SHROOM4: variants seen among roughly 807,000 people sequenced by gnomAD.
SHROOM4 encodes the protein shroom family member 4, also known as protein Shroom4.
In SHROOM4, 17 loss-of-function variants were observed where a neutral mutation model predicts 80.3. The ratio of observed to expected loss-of-function variants is 0.21; its 90% CI spans 0.14 to 0.32. The LOEUF (loss-of-function observed/expected upper bound fraction) is 0.32. Ranked by LOEUF, SHROOM4 falls within the 10% of genes least tolerant of loss-of-function variation. The probability of loss-of-function intolerance (pLI) is 1.00; values close to 1 mark genes in which losing one functional copy is unlikely to be tolerated. For synonymous variants in SHROOM4, 400 were observed against 437.5 expected (o/e 0.91, Z 1.07); for missense variants, 993 against 1,140.3 (o/e 0.87, Z 1.86).
chrX:50,786,889 TA>T (rs1206511193), intron 1 of SHROOM4, among the ~76,000 whole-genome samples: 1 of 111,066 alleles, frequency 9.0e-6, no homozygotes, highest in East Asian at 2.8e-4. Context: ...ATGAACAAAG[TA>T]AAAATTTCAA....
rs1931241277 is a variant in SHROOM4 at position 50,634,583 on chromosome X, T to C, written c.1490A>G (p.His497Arg). 7 of 1,210,007 alleles carry C rather than the reference T, an allele frequency of 5.8e-6. No individual in the cohort carries two copies. Among genetic ancestry groups the C allele is most frequent in the Non-Finnish European group, 6.7e-6 (6 of 895,298 alleles). ...TGAGGGGTGTCCATCAGCCTCTCCATGTGGGGGACTGCTTTGGCTCTGGTG... is the reference window on the plus strand; with the variant it reads ...TGAGGGGTGTCCATCAGCCTCTCCACGTGGGGGACTGCTTTGGCTCTGGTG... ...LGHQSQSSPP[H>R]GEADGHPSEK... Residue 497 changes from histidine to arginine, a missense_variant, in exon 4 of 9, where the codon CAT becomes CGT. Transcript: ENST00000376020.
chrX:50,799,965 C>G (rs1557272433), intron 1 of SHROOM4, among the ~76,000 whole-genome samples: 1 of 112,266 alleles, frequency 8.9e-6, no homozygotes, highest in African/African-American at 3.2e-5. Flanking sequence ...GCATGAAATT[C>G]AACTGTTATA....
rs138074903 is a variant in SHROOM4, at chrX:50,767,510, C to T, written c.117+46392G>A. On this transcript the variant is annotated intron_variant, in intron 1 of 8. Transcript: ENST00000376020. ...CTGCTGTAACTGAGGAAATATCAGG[C>T]TCCCATTAAATTAAGGACCAGTGGG... Among the ~76,000 whole-genome samples, 32 of 111,243 alleles carry T rather than the reference C, an allele frequency of 2.9e-4. 1 individual carries two copies. In the Admixed American group the frequency reaches 3.1e-3, roughly 11 times the overall value.
chrX:50,790,258 G>GA (rs1446279438), intron 1 of SHROOM4, among the ~76,000 whole-genome samples: 12 of 110,615 alleles, frequency 1.1e-4, no homozygotes, highest in African/African-American at 3.9e-4. Context: ...CAAAGAAATA[G>GA]AAAAAAATCT....
chrX:50,718,842 CT>C (rs1410294997), intron 1 of SHROOM4, among the ~76,000 whole-genome samples: 1 of 111,578 alleles, frequency 9.0e-6, no homozygotes, highest in African/African-American at 3.3e-5. Flanking sequence ...ATTCTCCCGT[CT>C]TTTTATTCTC....
chrX:50,740,176 C>G (rs1435218579), intron 1 of SHROOM4, among the ~76,000 whole-genome samples: 2 of 83,258 alleles, frequency 2.4e-5, no homozygotes, highest in African/African-American at 9.1e-5. Flanking sequence ...ACACTGGGGA[C>G]TGTTGTGGGG....
At chrX:50,739,361 C>A (rs1557266998) in intron 1 of SHROOM4, among the ~76,000 whole-genome samples, 3 of 111,438 alleles carry the variant, frequency 2.7e-5, no homozygotes, top group Non-Finnish European at 5.7e-5. Context: ...AGCTTCTGCA[C>A]AGCAAAAGAA....
intron 2 of SHROOM4, among the ~76,000 whole-genome samples, chrX:50,674,731 C>T (rs1413009887): frequency 4.5e-5 from 5 of 111,335 alleles, no homozygotes; most frequent in African/African-American, 1.6e-4. Flanking sequence ...AAGGAAAAAC[C>T]GATAAATTGG....
chrX:50,610,696 C>T (rs1269690505), intron 5 of SHROOM4, among the ~76,000 whole-genome samples: 1 of 110,519 alleles, frequency 9.0e-6, no homozygotes, highest in Non-Finnish European at 1.9e-5. Context: ...GAATTAAGGT[C>T]AAAATTAAAG....
intron 1 of SHROOM4, among the ~76,000 whole-genome samples, chrX:50,756,164 A>G (rs1935034511): frequency 9.0e-6 from 1 of 111,698 alleles, no homozygotes; most frequent in Non-Finnish European, 1.9e-5. Context: ...CCTAACACCC[A>G]GCCCCAAGCA....
intron 5 of SHROOM4, among the ~76,000 whole-genome samples, chrX:50,608,621 G>A (rs1418675940): frequency 1.8e-5 from 2 of 111,893 alleles, no homozygotes; most frequent in African/African-American, 6.5e-5. Context: ...TGCATGTGCT[G>A]TTTTCTGGGG....
Position 50,591,657 on chromosome X carries a change from T to C in SHROOM4, c.*5038A>G, listed in dbSNP as rs1405313865. 1 of 303,835 alleles carries C rather than the reference T, an allele frequency of 3.3e-6. No individual in the cohort carries two copies. Among genetic ancestry groups the C allele is most frequent in the Non-Finnish European group, 6.1e-6 (1 of 163,988 alleles). The allele number at this position is 303,835 out of a possible 1,213,427, so 25.0% of individuals were successfully genotyped here. Reference sequence around the variant, plus strand: ...TACTTTTTTCTTTTTGATGCTATTGTAAATGGAACTGTTTTCTTTCTTTCT... The same window carrying C: ...TACTTTTTTCTTTTTGATGCTATTGCAAATGGAACTGTTTTCTTTCTTTCT... On this transcript the variant is annotated 3_prime_UTR_variant, in exon 9 of 9. Transcript: ENST00000376020.
rs1557245659 is a variant in SHROOM4 at position 50,592,029 on chromosome X, T to C, written c.*4666A>G. The C allele has an allele frequency of 6.1e-6, 2 of 329,578 alleles. No homozygotes were observed. Among genetic ancestry groups the C allele is most frequent in the East Asian group, 1.9e-4 (2 of 10,326 alleles). 27.2% of individuals were successfully genotyped at this position (329,578 alleles called of 1,213,427 possible). ...ACCATGCCCGGCCGGAACTGTTTTC[T>C]TAATAACATTTTCGGATTGTTCATT... On this transcript the variant is annotated 3_prime_UTR_variant, in exon 9 of 9. Transcript: ENST00000376020.
chrX:50,754,675 C>T (rs190630318), intron 1 of SHROOM4, among the ~76,000 whole-genome samples: 1 of 111,624 alleles, frequency 9.0e-6, no homozygotes, highest in East Asian at 2.8e-4. Context: ...GCTCCCTCCA[C>T]ATACCATGCA....
rs781824441 is a variant in SHROOM4, at chrX:50,633,689, T to G, written c.2384A>C (p.His795Pro). ...STSHLPGLTT[H>P]SNKTFTQRPK... ...TCTCTGGGTAAAAGTCTTGTTGCTA[T>G]GAGTGGTTAAACCTGGCAAATGAGA... The change falls in exon 4 of 9, where the codon CAT becomes CCT. Residue 795 changes from histidine to proline, a missense_variant. Coordinates refer to ENST00000376020, the MANE Select transcript of SHROOM4 (RefSeq NM_020717.5). The G allele has an allele frequency of 8.3e-7, 1 of 1,212,112 alleles. No homozygotes were observed.
chrX:50,752,032 TAATACAATA>T (rs1248854341), intron 1 of SHROOM4, among the ~76,000 whole-genome samples: 5 of 112,354 alleles, frequency 4.5e-5, no homozygotes, highest in African/African-American at 1.6e-4. Context: ...CTGCATCTGA[TAATACAATA>T]CAGGATTTTC....
chrX:50,737,946 C>T (rs1557266843), intron 1 of SHROOM4, among the ~76,000 whole-genome samples: 3 of 111,320 alleles, frequency 2.7e-5, no homozygotes, highest in Admixed American at 9.6e-5. Context: ...ACTGGCAAAC[C>T]GAATCCAGCA....
chrX:50,782,740 GT>G (rs1449508933), intron 1 of SHROOM4, among the ~76,000 whole-genome samples: 1 of 112,106 alleles, frequency 8.9e-6, no homozygotes, highest in African/African-American at 3.2e-5. Flanking sequence ...ATTATGCTAA[GT>G]GAAATAAGTC....
intron 5 of SHROOM4, among the ~76,000 whole-genome samples, chrX:50,620,390 G>A (rs1930523830): frequency 8.9e-6 from 1 of 111,899 alleles, no homozygotes; most frequent in African/African-American, 3.2e-5. Flanking sequence ...TTTGTTCCAA[G>A]ATGATGATAT....
Sources: allele counts gnomAD v4.1 joint callset (sites outside exome capture counted in the v4.1 genomes callset), GRCh38; gene constraint gnomAD v4.1.1; transcripts MANE v1.5; gene names NCBI Gene and HGNC (gene_info 2026-07-23, HGNC 2026-07-21).